Variants in DOCK3 observed in about 807,000 individuals in gnomAD.
DOCK3 encodes the protein dedicator of cytokinesis protein 3.
Under a neutral mutation model 265.6 loss-of-function variants are expected in DOCK3, and 60 were observed. The observed-to-expected ratio is 0.23, with a 90% confidence interval of 0.18 to 0.28. The LOEUF is 0.28. Among genes scored for constraint, DOCK3 ranks in the 10% least tolerant of loss-of-function variants. The pLI, the probability that DOCK3 is intolerant of heterozygous loss-of-function variation, is 1.00. For missense variants in DOCK3, 1,981 were observed against 2,594.3 expected, an observed-to-expected ratio of 0.76 and a Z score of 5.14; for synonymous variants, 881 against 938.0, an observed-to-expected ratio of 0.94 and a Z score of 1.11.
Position 51,037,382 on chromosome 3 carries a change from A to G in DOCK3, c.316-27066A>G, listed in dbSNP as rs370614721. ...TAGTTCTTTATTGGTGATTTGTGAT[A>G]TTTTGATTGTGGTCATAATCATTTC... On this transcript the variant is annotated intron_variant, in intron 5 of 52. Transcript: ENST00000266037. Among the ~76,000 whole-genome samples the G allele has an allele frequency of 8.7e-4, 132 of 152,198 alleles. 1 individual carries two copies. In the South Asian group the frequency reaches 0.027, roughly 31 times the overall value.
chr3:51,100,407 CAA>C (rs2083036353), intron 9 of DOCK3, among the ~76,000 whole-genome samples: 2 of 152,068 alleles, frequency 1.3e-5, no homozygotes, highest in Non-Finnish European at 2.9e-5. Context: ...CCTGAGGAAC[CAA>C]GAGATGGAAC....
chr3:50,902,517 C>G (rs2049251327), intron 4 of DOCK3, among the ~76,000 whole-genome samples: 1 of 152,146 alleles, frequency 6.6e-6, no homozygotes, highest in Non-Finnish European at 1.5e-5. Flanking sequence ...TTTGAATTCT[C>G]TGTTCTGTTC....
intron 31 of DOCK3, 71 bp from the exon 32 acceptor site, chr3:51,314,909 G>C (rs1178268173): frequency 2.0e-6 from 3 of 1,493,918 alleles, no homozygotes; most frequent in Non-Finnish European, 2.7e-6. Context: ...AGCATGTGTT[G>C]TGGCCCCATT....
At chr3:51,094,477 G>T (rs1353495940) in intron 9 of DOCK3, among the ~76,000 whole-genome samples, 2 of 152,074 alleles carry the variant, frequency 1.3e-5, no homozygotes, top group Non-Finnish European at 2.9e-5. Context: ...AGTATTCTCT[G>T]ATGGTAGTTT....
At chr3:51,004,634 G>A (rs982003939) in intron 5 of DOCK3, among the ~76,000 whole-genome samples, 2 of 151,258 alleles carry the variant, frequency 1.3e-5, no homozygotes, top group Non-Finnish European at 2.9e-5. Context: ...TTATAATACT[G>A]CATTATTCTA....
At chr3:51,357,913 A>C in intron 45 of DOCK3, 48 bp from the exon 46 acceptor site, 1 of 1,612,504 alleles carries the variant, frequency 6.2e-7, no homozygotes, top group Non-Finnish European at 8.5e-7. Context: ...AGCAGTTCTC[A>C]GGGGCTACTC....
intron 12 of DOCK3, among the ~76,000 whole-genome samples, chr3:51,175,133 C>T (rs1002607213): frequency 3.3e-5 from 5 of 152,158 alleles, no homozygotes; most frequent in East Asian, 1.9e-4. Context: ...AAATGAGACA[C>T]AGGGCTGCTT....
intron 5 of DOCK3, among the ~76,000 whole-genome samples, chr3:50,967,324 C>A (rs937496850): frequency 6.6e-6 from 1 of 152,200 alleles, no homozygotes; most frequent in Non-Finnish European, 1.5e-5. Flanking sequence ...CTAGATCCAA[C>A]CATGTTGCAC....
chr3:50,935,453 A>G (rs745660454), intron 5 of DOCK3, among the ~76,000 whole-genome samples: 14 of 152,192 alleles, frequency 9.2e-5, no homozygotes, highest in Non-Finnish European at 1.8e-4. Flanking sequence ...CCTACCCTAT[A>G]GTAATGAAGT....
intron 32 of DOCK3, among the ~76,000 whole-genome samples, chr3:51,323,637 G>A (rs917919412): frequency 7.2e-5 from 11 of 152,122 alleles, no homozygotes; most frequent in Non-Finnish European, 1.5e-4. Context: ...TGAAACCAAT[G>A]AGAACAAAGA....
chr3:51,130,153 C>T (rs1177451538), intron 9 of DOCK3, among the ~76,000 whole-genome samples: 1 of 152,184 alleles, frequency 6.6e-6, no homozygotes, highest in Non-Finnish European at 1.5e-5. Context: ...ATTTCCCATC[C>T]TCTGGCACAC....
intron 2 of DOCK3, among the ~76,000 whole-genome samples, chr3:50,791,910 G>A (rs1332506116): frequency 1.3e-5 from 2 of 151,658 alleles, no homozygotes; most frequent in Non-Finnish European, 2.9e-5. Context: ...TTGGCTATTC[G>A]GGATATTTTT....
At chr3:50,698,157 A>G (rs904007467) in intron 1 of DOCK3, among the ~76,000 whole-genome samples, 4 of 152,050 alleles carry the variant, frequency 2.6e-5, no homozygotes, top group African/African-American at 9.7e-5. Context: ...AAGAAATCCT[A>G]TACCCATTAG....
chr3:50,902,181 T>C (rs2049237730), intron 4 of DOCK3, among the ~76,000 whole-genome samples: 1 of 152,232 alleles, frequency 6.6e-6, no homozygotes, highest in African/African-American at 2.4e-5. Context: ...TGAAGCTCTT[T>C]AGTTTAATTA....
chr3:50,687,348 G>A (rs1320601221), intron 1 of DOCK3, among the ~76,000 whole-genome samples: 1 of 152,178 alleles, frequency 6.6e-6, no homozygotes, highest in Non-Finnish European at 1.5e-5. Flanking sequence ...CCCTTGAAGT[G>A]ACAGATTGAG....
chr3:51,252,249 G>C (rs1032641774), intron 22 of DOCK3, among the ~76,000 whole-genome samples: 2 of 152,222 alleles, frequency 1.3e-5, no homozygotes, highest in South Asian at 2.1e-4. Context: ...GTACCATGCT[G>C]TTTTGGTTAC....
chr3:50,955,408 A>G (rs986693706), intron 5 of DOCK3, among the ~76,000 whole-genome samples: 1 of 152,228 alleles, frequency 6.6e-6, no homozygotes, highest in Non-Finnish European at 1.5e-5. Flanking sequence ...AGTGCCATTC[A>G]CAATAGTCAA....
intron 4 of DOCK3, among the ~76,000 whole-genome samples, chr3:50,897,815 C>T (rs564263782): frequency 1.2e-4 from 14 of 119,344 alleles, no homozygotes; most frequent in African/African-American, 4.3e-4. Flanking sequence ...GCTTGCATCC[C>T]AGGGATGAAG....
chr3:50,972,751 A>G (rs2077279432), intron 5 of DOCK3, among the ~76,000 whole-genome samples: 1 of 152,160 alleles, frequency 6.6e-6, no homozygotes. Flanking sequence ...TAGTTTCTCT[A>G]TGCTGTTATA....
Sources: allele counts gnomAD v4.1 joint callset (sites outside exome capture counted in the v4.1 genomes callset), GRCh38; gene constraint gnomAD v4.1.1; transcripts MANE v1.5; gene names NCBI Gene and HGNC (gene_info 2026-07-23, HGNC 2026-07-21).